NLGN4X: variants seen among roughly 807,000 people sequenced by gnomAD.
NLGN4X encodes neuroligin-4, X-linked.
NLGN4X carries 3 observed loss-of-function variants against 40.3 expected under a neutral mutation model. The ratio of observed to expected loss-of-function variants is 0.07; its 90% CI spans 0.03 to 0.19. The LOEUF is 0.19. NLGN4X is among the 10% of genes least tolerant of loss of function. The pLI, the probability that NLGN4X is intolerant of heterozygous loss-of-function variation, is 1.00. For missense variants in NLGN4X, 382 were observed against 708.3 expected, an observed-to-expected ratio of 0.54 and a Z score of 5.23; for synonymous variants, 270 against 306.8, an observed-to-expected ratio of 0.88 and a Z score of 1.25.
chrX:6,002,016 G>C (rs1226122783), intron 3 of NLGN4X, among the ~76,000 whole-genome samples: 1 of 111,414 alleles, frequency 9.0e-6, no homozygotes. Context: ...TAATTCCCAT[G>C]TTAGGGTAGA....
At chrX:6,094,569 G>A (rs1172945929) in intron 2 of NLGN4X, among the ~76,000 whole-genome samples, 1 of 110,776 alleles carries the variant, frequency 9.0e-6, no homozygotes, top group Non-Finnish European at 1.9e-5. Flanking sequence ...CCCAGGTGAG[G>A]AGATTCTGGT....
At chrX:6,075,693 C>T (rs1254025394) in intron 2 of NLGN4X, among the ~76,000 whole-genome samples, 1 of 110,785 alleles carries the variant, frequency 9.0e-6, no homozygotes, top group Non-Finnish European at 1.9e-5. Context: ...AAGAGCCTAG[C>T]ACCTCCTTCC....
intron 2 of NLGN4X, among the ~76,000 whole-genome samples, chrX:6,063,707 T>C (rs1489487622): frequency 1.8e-5 from 2 of 112,376 alleles, no homozygotes; most frequent in Non-Finnish European, 3.8e-5. Context: ...TAGAATTATA[T>C]AAGACTATGC....
At chrX:6,136,960 T>G (rs1324011508) in intron 2 of NLGN4X, among the ~76,000 whole-genome samples, 1 of 112,476 alleles carries the variant, frequency 8.9e-6, no homozygotes, top group Non-Finnish European at 1.9e-5. Flanking sequence ...TCTTCTGGCT[T>G]CTGGCATTCT....
At chrX:5,966,179 G>C (rs916912855) in intron 3 of NLGN4X, among the ~76,000 whole-genome samples, 1 of 111,889 alleles carries the variant, frequency 8.9e-6, no homozygotes, top group Non-Finnish European at 1.9e-5. Flanking sequence ...TGAAAAGGTA[G>C]AACATGACAT....
Position 6,069,245 on chromosome X carries a change from G to A in NLGN4X, c.473-39813C>T, listed in dbSNP as rs770915097. ...GGAGCTTGCAGTGAGCCGAGATCGC[G>A]CCACTGCACTCTAGCCAGGGTGACA... On this transcript the variant is annotated intron_variant, in intron 2 of 5. Transcript: ENST00000381095. 1.3e-4 allele frequency among the ~76,000 whole-genome samples: 14 copies of A among 106,768 alleles called. No homozygotes were observed. The East Asian group carries it at 2.9e-3, about 22-fold the overall frequency. The allele number at this position is 106,768 out of a possible 115,157, so 92.7% of individuals were successfully genotyped here.
intron 3 of NLGN4X, among the ~76,000 whole-genome samples, chrX:6,012,113 T>G (rs181753588): frequency 4.4e-5 from 5 of 112,778 alleles, no homozygotes; most frequent in Admixed American, 3.8e-4. Context: ...AATGAGCATT[T>G]GTAATCAGAT....
intron 1 of NLGN4X, among the ~76,000 whole-genome samples, chrX:6,225,011 TACAC>T (rs1380311869): frequency 0.12 from 5,817 of 49,031 alleles, 312 homozygotes; most frequent in African/African-American, 0.13. Flanking sequence ...TATATATATA[TACAC>T]ACACACACAC....
At chrX:6,066,952 T>A (rs1260851534) in intron 2 of NLGN4X, among the ~76,000 whole-genome samples, 4 of 108,972 alleles carry the variant, frequency 3.7e-5, no homozygotes. Flanking sequence ...TACAAAAAAA[T>A]AACAAAATTA....
chrX:5,918,149 A>G (rs2032884892), intron 3 of NLGN4X, among the ~76,000 whole-genome samples: 1 of 109,839 alleles, frequency 9.1e-6, no homozygotes, highest in Non-Finnish European at 1.9e-5. Flanking sequence ...AAAATTACAG[A>G]AAAGGTTTTT....
At chrX:6,041,245 G>A (rs2037149007) in intron 2 of NLGN4X, among the ~76,000 whole-genome samples, 2 of 111,626 alleles carry the variant, frequency 1.8e-5, no homozygotes, top group Admixed American at 9.5e-5. Flanking sequence ...CTAGACTGAA[G>A]AGCCTCCCAG....
intron 2 of NLGN4X, among the ~76,000 whole-genome samples, chrX:6,068,877 C>T (rs1369590857): frequency 8.9e-6 from 1 of 112,178 alleles, no homozygotes; most frequent in Non-Finnish European, 1.9e-5. Context: ...TCTCTATCAC[C>T]AAGTAACAAA....
At chrX:6,123,151 G>A (rs762719584) in intron 2 of NLGN4X, among the ~76,000 whole-genome samples, 1 of 111,712 alleles carries the variant, frequency 9.0e-6, no homozygotes, top group Admixed American at 9.5e-5. Context: ...ATAATACGTT[G>A]ATTTAAAACA....
intron 1 of NLGN4X, among the ~76,000 whole-genome samples, chrX:6,157,262 T>C (rs1393708937): frequency 8.9e-6 from 1 of 111,935 alleles, no homozygotes; most frequent in Non-Finnish European, 1.9e-5. Context: ...GCATGAGCCA[T>C]AATTGTAGAA....
chrX:6,014,366 A>C (rs2036336150), intron 3 of NLGN4X, among the ~76,000 whole-genome samples: 1 of 111,894 alleles, frequency 8.9e-6, no homozygotes, highest in Non-Finnish European at 1.9e-5. Context: ...CAAACCAAGG[A>C]AATGGATTCT....
At chrX:6,030,093 A>C (rs1031115096) in intron 2 of NLGN4X, among the ~76,000 whole-genome samples, 4 of 112,172 alleles carry the variant, frequency 3.6e-5, no homozygotes, top group Non-Finnish European at 7.5e-5. Flanking sequence ...CTTAGGTGAC[A>C]AAAATAAAAG....
At chrX:6,162,253 C>G (rs2040415975) in intron 1 of NLGN4X, among the ~76,000 whole-genome samples, 1 of 112,069 alleles carries the variant, frequency 8.9e-6, no homozygotes, top group African/African-American at 3.2e-5. Context: ...CATCAGCAAC[C>G]AGAGAAGGGT....
intron 2 of NLGN4X, among the ~76,000 whole-genome samples, chrX:6,060,255 C>T (rs906065684): frequency 3.6e-5 from 4 of 111,676 alleles, no homozygotes; most frequent in Non-Finnish European, 7.5e-5. Context: ...TTGTTTCATT[C>T]GTTTGTTATT....
chrX:6,110,814 T>C (rs745758627), intron 2 of NLGN4X, among the ~76,000 whole-genome samples: 7 of 111,912 alleles, frequency 6.3e-5, no homozygotes, highest in Admixed American at 9.5e-5. Context: ...TGAAGGACTT[T>C]GGAGGAACTA....
Sources: allele counts gnomAD v4.1 joint callset (sites outside exome capture counted in the v4.1 genomes callset), GRCh38; gene constraint gnomAD v4.1.1; transcripts MANE v1.5; gene names NCBI Gene and HGNC (gene_info 2026-07-23, HGNC 2026-07-21).